The following SSBP3 variants were observed in gnomAD, a reference collection of about 807,000 sequenced individuals.
The protein encoded by SSBP3 is single-stranded DNA-binding protein 3.
Under a neutral mutation model 69.6 loss-of-function variants are expected in SSBP3, and 5 were observed. The observed-to-expected ratio is 0.07, with a 90% CI of 0.04 to 0.15. SSBP3 has a LOEUF of 0.15. Among genes scored for constraint, SSBP3 ranks in the 10% least tolerant of loss-of-function variants. The pLI, the probability that SSBP3 is intolerant of heterozygous loss-of-function variation, is 1.00. For missense variants in SSBP3, 312 were observed against 534.0 expected (o/e 0.58, Z 4.10); for synonymous variants, 196 against 193.4 (o/e 1.01, Z -0.11).
chr1:54,235,974 T>C (rs1173199400), intron 14 of SSBP3, among the ~76,000 whole-genome samples: 1 of 152,240 alleles, frequency 6.6e-6, no homozygotes, highest in East Asian at 1.9e-4. Context: ...TCATTATTCC[T>C]GCTGTATGAG....
intron 4 of SSBP3, among the ~76,000 whole-genome samples, chr1:54,325,600 G>A (rs1325654564): frequency 6.6e-6 from 1 of 152,134 alleles, no homozygotes; most frequent in East Asian, 1.9e-4. Context: ...ATCAGATTAC[G>A]ACACCATCAT....
intron 7 of SSBP3, among the ~76,000 whole-genome samples, chr1:54,253,184 TAG>T (rs1491458444): frequency 2.6e-4 from 37 of 141,274 alleles, no homozygotes; most frequent in Admixed American, 2.2e-3. Context: ...GTTTTTTTTT[TAG>T]TTTTTGTTTT....
At chr1:54,314,885 T>C (rs147611213) in intron 4 of SSBP3, among the ~76,000 whole-genome samples, 4 of 152,232 alleles carry the variant, frequency 2.6e-5, no homozygotes, top group Non-Finnish European at 5.9e-5. Flanking sequence ...GGGATACTTG[T>C]TGATCTGGCC....
At chr1:54,407,849 G>C (rs750684584), upstream of SSBP3, among the ~76,000 whole-genome samples, 2 of 149,230 alleles carry the variant, frequency 1.3e-5, no homozygotes, top group Admixed American at 6.7e-5. Context: ...TTAAAGGATA[G>C]GTCAGTGTCC....
At chr1:54,389,049 C>T (rs554934640) in intron 4 of SSBP3, among the ~76,000 whole-genome samples, 9 of 152,300 alleles carry the variant, frequency 5.9e-5, no homozygotes, top group African/African-American at 1.4e-4. Flanking sequence ...CTAGAAGAAT[C>T]GGGTCTGCCT....
At chr1:54,307,383 C>A (rs1369378487) in intron 4 of SSBP3, among the ~76,000 whole-genome samples, 1 of 152,176 alleles carries the variant, frequency 6.6e-6, no homozygotes, top group Non-Finnish European at 1.5e-5. Context: ...CTCCCTGTCT[C>A]CCCTAGCCCG....
chr1:54,329,936 G>A (rs1051309339), intron 4 of SSBP3, among the ~76,000 whole-genome samples: 1 of 152,144 alleles, frequency 6.6e-6, no homozygotes, highest in African/African-American at 2.4e-5. Context: ...CCCAGTAGCT[G>A]GAAGGAGAGC....
At chr1:54,407,749 A>ATTTTTTT (rs532968816), upstream of SSBP3, among the ~76,000 whole-genome samples, 3 of 97,528 alleles carry the variant, frequency 3.1e-5, no homozygotes, top group Non-Finnish European at 5.7e-5. Flanking sequence ...GCCTAGGTTG[A>ATTTTTTT]TTTTTTTTTT....
chr1:54,239,643 G>T (rs576514020), intron 13 of SSBP3, among the ~76,000 whole-genome samples: 2 of 152,344 alleles, frequency 1.3e-5, no homozygotes, highest in Non-Finnish European at 2.9e-5. Flanking sequence ...GGGGCAGGAG[G>T]GAGAGGCAGG....
intron 4 of SSBP3, among the ~76,000 whole-genome samples, chr1:54,338,734 T>C (rs1646553823): frequency 1.3e-5 from 2 of 152,088 alleles, no homozygotes; most frequent in South Asian, 2.1e-4. Context: ...AACGTAAAAA[T>C]AGCTCCTGTA....
chr1:54,245,905 G>A (rs1012543755), intron 9 of SSBP3, among the ~76,000 whole-genome samples: 3 of 152,236 alleles, frequency 2.0e-5, no homozygotes, highest in Non-Finnish European at 2.9e-5. Context: ...GACTGTGTGT[G>A]CACTGCCTAC....
At chr1:54,249,786 A>G (rs1365566487) in intron 9 of SSBP3, among the ~76,000 whole-genome samples, 1 of 149,466 alleles carries the variant, frequency 6.7e-6, no homozygotes, top group Non-Finnish European at 1.5e-5. Context: ...TGTTAAAAGA[A>G]AAAAAAAAAG....
intron 4 of SSBP3, among the ~76,000 whole-genome samples, chr1:54,288,502 C>T (rs771071153): frequency 2.7e-4 from 40 of 148,226 alleles, no homozygotes; most frequent in Non-Finnish European, 5.3e-4. Context: ...CAGCTCATGT[C>T]TGCCACCTGG....
chr1:54,326,961 G>A (rs1427347763), intron 4 of SSBP3, among the ~76,000 whole-genome samples: 1 of 151,078 alleles, frequency 6.6e-6, no homozygotes, highest in Non-Finnish European at 1.5e-5. Flanking sequence ...CCAAGGAGAA[G>A]GTGGTGGTGG....
At position 54,360,486 on chromosome 1, in the gene SSBP3, G is replaced by C. The variant is rs181544022; in HGVS notation, c.276+41375C>G. 1.3e-3 allele frequency among the ~76,000 whole-genome samples: 201 copies of C among 152,238 alleles called. 8 individuals carry two copies. The South Asian group carries it at 0.027, about 21-fold the overall frequency. ...AACTACAGAATAACAGCGCTGGAAG[G>C]GGCTCAGGGGTCCCCAGCCAGTTCT... On this transcript the variant is annotated intron_variant, in intron 4 of 17. Transcript: ENST00000610401.
chr1:54,299,551 C>G (rs1235834140), intron 4 of SSBP3, among the ~76,000 whole-genome samples: 3 of 152,050 alleles, frequency 2.0e-5, no homozygotes, highest in African/African-American at 7.2e-5. Context: ...TCACAATCAC[C>G]CCCAAGCCCA....
chr1:54,391,804 T>C (rs1334705257), intron 4 of SSBP3, among the ~76,000 whole-genome samples: 2 of 152,120 alleles, frequency 1.3e-5, no homozygotes, highest in Non-Finnish European at 2.9e-5. Context: ...CAGGATGCCT[T>C]ACGACCTATT....
chr1:54,323,735 C>G (rs1000288166), intron 4 of SSBP3, among the ~76,000 whole-genome samples: 1 of 152,142 alleles, frequency 6.6e-6, no homozygotes, highest in Non-Finnish European at 1.5e-5. Context: ...AGGACTGACC[C>G]AGAAGGAGCA....
chr1:54,369,180 T>C (rs1482285214), intron 4 of SSBP3, among the ~76,000 whole-genome samples: 2 of 144,656 alleles, frequency 1.4e-5, no homozygotes, highest in Non-Finnish European at 3.0e-5. Context: ...TGATTTTCTT[T>C]AAATCTGCAT....
Sources: gnomAD v4.1 joint callset for allele counts (sites outside exome capture counted in the v4.1 genomes callset) on GRCh38, gnomAD v4.1.1 for gene constraint, MANE v1.5 for transcripts, NCBI Gene and HGNC (gene_info 2026-07-23, HGNC 2026-07-21) for gene names.